The following RWDD4 variants were observed in gnomAD, a reference collection of about 807,000 sequenced individuals.
RWDD4 encodes the protein RWD domain-containing protein 4.
RWDD4 carries 16 observed loss-of-function variants against 30.0 expected under a neutral mutation model. The ratio of observed to expected loss-of-function variants is 0.53; its 90% CI spans 0.36 to 0.81. The LOEUF is 0.81. RWDD4 is among the 30% of genes least tolerant of loss of function. The pLI, the probability that RWDD4 is intolerant of heterozygous loss-of-function variation, is 0.00. For synonymous variants in RWDD4, 45 were observed against 72.1 expected (o/e 0.62, Z 1.90); for missense variants, 170 against 223.9 (o/e 0.76, Z 1.54).
rs527882775 is a variant in RWDD4, at chr4:183,655,132, G to T, written c.105+749C>A. Among the ~76,000 whole-genome samples, 235 of 151,718 alleles carry T rather than the reference G, an allele frequency of 1.5e-3. 1 individual carries two copies. The highest frequency in any genetic ancestry group is 3.4e-3 in the Middle Eastern group (1 of 294). ...ATTTTTGTATTTTTAGTAGAGACAG[G>T]GTTTCACCTTGTTGGCCAGGCTGGT... On this transcript the variant is annotated intron_variant, in intron 2 of 7. Coordinates refer to ENST00000326397, the MANE Select transcript of RWDD4 (RefSeq NM_152682.4).
At chr4:183,643,579 G>T (rs1246154950) in intron 7 of RWDD4, among the ~76,000 whole-genome samples, 1 of 150,306 alleles carries the variant, frequency 6.7e-6, no homozygotes, top group Non-Finnish European at 1.5e-5. Context: ...TAGCATAATA[G>T]ATTCAGAGAC....
chr4:183,643,494 T>G (rs547956786), intron 7 of RWDD4, among the ~76,000 whole-genome samples: 5 of 145,448 alleles, frequency 3.4e-5, no homozygotes, highest in African/African-American at 5.1e-5. Flanking sequence ...CAAATAGTTT[T>G]GACCTTGTGT....
chr4:183,647,667 CCTAA>C (rs1455213870), intron 5 of RWDD4, among the ~76,000 whole-genome samples: 2 of 152,152 alleles, frequency 1.3e-5, no homozygotes, highest in African/African-American at 4.8e-5. Context: ...AGCAATATTA[CCTAA>C]CTGACATAGA....
rs1279349857 is a variant in RWDD4 at position 183,640,657 on chromosome 4, A to G, written c.*779T>C. 3.4e-5 allele frequency: 1 copy of G among 29,848 alleles called. No homozygotes were observed. The highest frequency in any genetic ancestry group is 6.7e-5 in the Non-Finnish European group (1 of 14,962). The allele number at this position is 29,848 out of a possible 1,614,324, so 1.8% of individuals were successfully genotyped here. On this transcript the variant is annotated 3_prime_UTR_variant, in exon 8 of 8. Transcript: ENST00000326397. ...TTAAAATCAATGTCTCCAACAATAC[A>G]AAAACTAAATATTAAGGCATCTTTT...
At chr4:183,645,122 A>G (rs535651175) in intron 7 of RWDD4, among the ~76,000 whole-genome samples, 2 of 152,184 alleles carry the variant, frequency 1.3e-5, no homozygotes, top group African/African-American at 4.8e-5. Flanking sequence ...AACAACAAAA[A>G]ACCCAAAACA....
rs1403963118 is a variant in RWDD4, at chr4:183,649,438, A to ACCT, written c.481+12_481+13insAGG. The ACCT allele has an allele frequency of 2.6e-6, 4 of 1,514,340 alleles. No homozygotes were observed. In the Admixed American group the frequency reaches 7.3e-5, roughly 28 times the overall value. The allele number at this position is 1,514,340 out of a possible 1,614,324, so 93.8% of individuals were successfully genotyped here. Reference sequence around the variant, plus strand: ...AAAAAAAAGAAAAGAAAAGAAAAGAAACACACACAAACCTGTTTTGTCTGC... The same window carrying ACCT: ...AAAAAAAAGAAAAGAAAAGAAAAGAACCTACACACACAAACCTGTTTTGTCTGC... On this transcript the variant is annotated intron_variant, in intron 5 of 7. Transcript: ENST00000326397.
chr4:183,648,505 T>G lies in RWDD4; in HGVS notation c.481+946A>C, dbSNP rs182489856. Among the ~76,000 whole-genome samples, 6 of 152,324 alleles carry G rather than the reference T, an allele frequency of 3.9e-5. No homozygotes were observed. In the East Asian group the frequency reaches 5.8e-4, roughly 15 times the overall value. ...TGAGCTAGAGTTTATTATCTTCTTC[T>G]AAAGAACTCTTGTTTAGAACATATG... is the stretch of plus-strand genomic sequence containing the variant. On this transcript the variant is annotated intron_variant, in intron 5 of 7. Coordinates refer to ENST00000326397, the MANE Select transcript of RWDD4 (RefSeq NM_152682.4).
At position 183,649,528 on chromosome 4, in the gene RWDD4, G is replaced by A. The variant is rs1734033276; in HGVS notation, c.404C>T (p.Thr135Ile). The stretch of plus-strand genomic sequence containing the variant: ...GTCTTTTTTCTTACTTGATGGGGCT[G>A]TATTAGGAGTTTCAATTGAGATGAT... Reference protein sequence around the residue: ...SNIISIETPNTAPSSKKKDKK... With the variant: ...SNIISIETPNIAPSSKKKDKK... Residue 135 changes from threonine (T) to isoleucine (I), a missense_variant, in exon 5 of 8, where the codon ACA (threonine) becomes ATA (isoleucine). By Grantham distance (89) the Thr-to-Ile change is moderately conservative. Transcript: ENST00000326397. 3 of 1,609,324 alleles carry A rather than the reference G, an allele frequency of 1.9e-6. No homozygotes were observed. The Admixed American group carries it at 5.0e-5, about 27-fold the overall frequency.
intron 5 of RWDD4, among the ~76,000 whole-genome samples, chr4:183,648,117 G>T (rs1233346821): frequency 6.6e-6 from 1 of 152,078 alleles, no homozygotes; most frequent in Non-Finnish European, 1.5e-5. Flanking sequence ...AGTGACATGC[G>T]CCAGTAGTCT....
At chr4:183,647,450 G>C (rs1733985070) in intron 5 of RWDD4, among the ~76,000 whole-genome samples, 1 of 152,118 alleles carries the variant, frequency 6.6e-6, no homozygotes, top group South Asian at 2.1e-4. Context: ...ACTGGTTATA[G>C]GGGGCACATC....
chr4:183,646,547 A>G lies in RWDD4; in HGVS notation c.482-10T>C. The G allele has an allele frequency of 6.2e-7, 1 of 1,607,010 alleles. No individual in the cohort carries two copies. The highest frequency in any genetic ancestry group is 8.5e-7 in the Non-Finnish European group (1 of 1,177,960). On this transcript the variant is annotated splice_polypyrimidine_tract_variant and intron_variant, in intron 5 of 7. Coordinates refer to ENST00000326397, the MANE Select transcript of RWDD4 (RefSeq NM_152682.4). Reference sequence around the variant, plus strand: ...AGTTCTCCTTTGTGATCTAGAAGATAAAAAATAGTAACTTTATTTCTAAGA... The same window carrying G: ...AGTTCTCCTTTGTGATCTAGAAGATGAAAAATAGTAACTTTATTTCTAAGA...
intron 7 of RWDD4, among the ~76,000 whole-genome samples, chr4:183,645,450 G>A (rs1013527490): frequency 1.8e-4 from 28 of 152,014 alleles, no homozygotes; most frequent in Non-Finnish European, 2.1e-4. Flanking sequence ...GAACAACCAC[G>A]TTTAAGGTCT....
At chr4:183,658,882 G>C in intron 1 of RWDD4, 47 bp downstream of exon 1, 12 of 1,233,398 alleles carry the variant, frequency 9.7e-6, no homozygotes, top group Non-Finnish European at 1.2e-5. Flanking sequence ...GCCCGGGGCT[G>C]CGCGCCGCGC....
intron 7 of RWDD4, among the ~76,000 whole-genome samples, chr4:183,642,284 G>A (rs1486697315): frequency 7.9e-6 from 1 of 127,010 alleles, no homozygotes; most frequent in Non-Finnish European, 1.6e-5. Flanking sequence ...CCGCCTCCCG[G>A]GTTCACGCCA....
At chr4:183,644,095 CTT>C (rs10569345) in intron 7 of RWDD4, among the ~76,000 whole-genome samples, 21,553 of 152,222 alleles carry the variant, frequency 0.14, 1,591 homozygotes, top group East Asian at 0.16. Context: ...AGATCAGATT[CTT>C]TTTCTTCTCA....
chr4:183,643,690 G>A (rs1405650653), intron 7 of RWDD4, among the ~76,000 whole-genome samples: 1 of 152,066 alleles, frequency 6.6e-6, no homozygotes, highest in African/African-American at 2.4e-5. Context: ...GCCAAGGCGG[G>A]TGGATCACCT....
chr4:183,650,728 T>G (rs67786988), intron 4 of RWDD4, among the ~76,000 whole-genome samples: 1 of 151,892 alleles, frequency 6.6e-6, no homozygotes, highest in African/African-American at 2.4e-5. Flanking sequence ...CTAGGTTCTA[T>G]GATATCTCAG....
chr4:183,651,405 GA>G, intron 2 of RWDD4, 78 bp from the exon 3 acceptor site: 2 of 1,071,576 alleles, frequency 1.9e-6, no homozygotes, highest in Non-Finnish European at 2.8e-6. Flanking sequence ...TCAAAAGGGT[GA>G]ATTCTTTCCA....
At chr4:183,642,260 G>C (rs1365933694) in intron 7 of RWDD4, among the ~76,000 whole-genome samples, 1 of 85,108 alleles carries the variant, frequency 1.2e-5, no homozygotes, top group Non-Finnish European at 2.2e-5. Flanking sequence ...CGCGATCTCG[G>C]CTCACTGCAA....
Sources: allele counts gnomAD v4.1 joint callset (sites outside exome capture counted in the v4.1 genomes callset), GRCh38; gene constraint gnomAD v4.1.1; transcripts MANE v1.5; gene names NCBI Gene and HGNC (gene_info 2026-07-23, HGNC 2026-07-21).